Variants in USP22 observed in about 807,000 individuals in gnomAD.
The protein encoded by USP22 is ubiquitin carboxyl-terminal hydrolase 22.
A neutral mutation model predicts 68.1 loss-of-function variants in USP22; 22 were observed. The ratio of observed to expected loss-of-function variants is 0.32; its 90% CI spans 0.23 to 0.46. The LOEUF (loss-of-function observed/expected upper bound fraction) is 0.46. Ranked by LOEUF, USP22 falls within the 20% of genes least tolerant of loss-of-function variation. The pLI, the probability that USP22 is intolerant of heterozygous loss-of-function variation, is 1.00. For missense variants in USP22, 433 were observed against 695.8 expected (o/e 0.62, Z 4.25); for synonymous variants, 279 against 274.2 (o/e 1.02, Z -0.17).
chr17:21,007,349 A>G (rs538539340), intron 9 of USP22, among the ~76,000 whole-genome samples: 6 of 152,316 alleles, frequency 3.9e-5, no homozygotes, highest in South Asian at 2.1e-4. Context: ...CTTTGCCTAG[A>G]TCAGGAGTCA....
intron 5 of USP22, among the ~76,000 whole-genome samples, chr17:21,016,788 G>A (rs1353777174): frequency 2.6e-5 from 4 of 152,310 alleles, no homozygotes; most frequent in African/African-American, 4.8e-5. Context: ...GGTTGACTTC[G>A]GAGGGGCACG....
intron 7 of USP22, among the ~76,000 whole-genome samples, chr17:21,012,032 A>T (rs186006478): frequency 1.7e-4 from 26 of 152,226 alleles, no homozygotes; most frequent in African/African-American, 5.5e-4. Context: ...GCCTTTCCCG[A>T]TATTTGCTCG....
Position 21,002,871 on chromosome 17 carries a change from C to T in USP22, c.*160G>A. The T allele has an allele frequency of 1.2e-6, 1 of 849,728 alleles. No homozygotes were observed. The highest frequency in any genetic ancestry group is 1.9e-6 in the Non-Finnish European group (1 of 521,952). The allele number at this position is 849,728 out of a possible 1,614,324, so 52.6% of individuals were successfully genotyped here. The stretch of plus-strand genomic sequence containing the variant: ...CCCGTCCGTGTGGTCCATCCCGACC[C>T]GATGGGTCCCAGGTGCAGAGGGGCC... On this transcript the variant is annotated 3_prime_UTR_variant, in exon 13 of 13. Coordinates refer to ENST00000261497, the MANE Select transcript of USP22 (RefSeq NM_015276.2).
At chr17:21,006,504 GTC>G (rs1327355175) in intron 10 of USP22, 1 of 121,876 alleles carries the variant, frequency 8.2e-6, no homozygotes. Context: ...AGTATCGACA[GTC>G]ATTTTTTTTT....
At chr17:21,017,474 T>G (rs1459024554) in intron 5 of USP22, among the ~76,000 whole-genome samples, 1 of 152,224 alleles carries the variant, frequency 6.6e-6, no homozygotes, top group African/African-American at 2.4e-5. Flanking sequence ...ACGCCACACG[T>G]GCAGCCCACA....
At chr17:21,023,470 A>T (rs1408034410) in intron 2 of USP22, among the ~76,000 whole-genome samples, 2 of 151,986 alleles carry the variant, frequency 1.3e-5, no homozygotes, top group Admixed American at 1.3e-4. Context: ...CCTAGGCAAC[A>T]TGGTGAACCC....
rs367718558 is a variant in USP22 at position 21,027,496 on chromosome 17, CG to C, written c.304+1045del. Among the ~76,000 whole-genome samples the C allele has an allele frequency of 4.1e-3, 617 of 151,926 alleles. 3 individuals carry two copies. Among genetic ancestry groups the C allele is most frequent in the African/African-American group, 0.014 (563 of 41,464 alleles). On this transcript the variant is annotated intron_variant, in intron 2 of 12. Transcript: ENST00000261497. The stretch of plus-strand genomic sequence containing the variant: ...AGCATCAAATTACAGAACTTCAGGG[CG>C]GGAAAGCCTAAAAATATCTTTACCT...
intron 1 of USP22, among the ~76,000 whole-genome samples, chr17:21,031,149 AAATTG>A (rs1279654579): frequency 5.3e-5 from 8 of 152,368 alleles, no homozygotes; most frequent in African/African-American, 1.9e-4. Flanking sequence ...GACAACTATT[AAATTG>A]AACACATGTA....
At chr17:21,016,545 A>C (rs1972085748) in intron 5 of USP22, among the ~76,000 whole-genome samples, 1 of 152,246 alleles carries the variant, frequency 6.6e-6, no homozygotes, top group East Asian at 1.9e-4. Flanking sequence ...CTGAACTGGG[A>C]AACAGACAAC....
intron 1 of USP22, among the ~76,000 whole-genome samples, chr17:21,032,677 C>T (rs993739084): frequency 1.3e-5 from 2 of 152,096 alleles, no homozygotes; most frequent in African/African-American, 2.4e-5. Flanking sequence ...TGTTGGCTCA[C>T]GCCAGGAATG....
At position 21,035,908 on chromosome 17, in the gene USP22, G is replaced by A. The variant is rs552557892; in HGVS notation, c.171+6757C>T. 2.6e-5 allele frequency among the ~76,000 whole-genome samples: 4 copies of A among 151,834 alleles called. No individual in the cohort carries two copies. The South Asian group carries it at 8.3e-4, about 32-fold the overall frequency. On this transcript the variant is annotated intron_variant, in intron 1 of 12. Transcript: ENST00000261497. ...TAGCTGGGCGTGGTGGCAGGCGCCTGTAGTCCCAGTTACTCGGGAGGCTGA... is the reference window on the plus strand; with the variant it reads ...TAGCTGGGCGTGGTGGCAGGCGCCTATAGTCCCAGTTACTCGGGAGGCTGA...
chr17:21,027,001 C>T (rs1972228964), intron 2 of USP22, among the ~76,000 whole-genome samples: 1 of 151,880 alleles, frequency 6.6e-6, no homozygotes, highest in Admixed American at 6.6e-5. Context: ...GACGGGGTTT[C>T]ACCATGTTGG....
chr17:21,005,167 T>A, intron 10 of USP22, 177 bp from the exon 11 acceptor site: 1 of 730,772 alleles, frequency 1.4e-6, no homozygotes, highest in Non-Finnish European at 2.2e-6. Flanking sequence ...GCTCAAGCTG[T>A]GGAGGCCCCT....
In USP22 at chr17:21,025,401, C is replaced by G. The variant is rs1488601364; in HGVS notation, c.304+3141G>C. Among the ~76,000 whole-genome samples, 4 of 152,136 alleles carry G rather than the reference C, an allele frequency of 2.6e-5. No homozygotes were observed. In the South Asian group the frequency reaches 8.3e-4, roughly 32 times the overall value. On this transcript the variant is annotated intron_variant, in intron 2 of 12. Coordinates refer to ENST00000261497, the MANE Select transcript of USP22 (RefSeq NM_015276.2). ...ATGTGAACAAACTGGAAAGCTTGTC[C>G]ATCACTGGTGAGAATTAAAATGGTG...
At chr17:21,009,474 C>T (rs1913880342) in intron 8 of USP22, among the ~76,000 whole-genome samples, 1 of 152,114 alleles carries the variant, frequency 6.6e-6, no homozygotes. Context: ...GACCCGGGTG[C>T]ACTCTACCTC....
chr17:21,002,922 C>T lies in USP22; in HGVS notation c.*109G>A. ...ACATCTGCATGGGAGGTGGTGTCAC[C>T]AGGCCGGGGAGGCGGCGGGAGACTT... On this transcript the variant is annotated 3_prime_UTR_variant, in exon 13 of 13. Coordinates refer to ENST00000261497, the MANE Select transcript of USP22 (RefSeq NM_015276.2). 1.4e-6 allele frequency: 2 copies of T among 1,389,054 alleles called. No homozygotes were observed. The highest frequency in any genetic ancestry group is 2.0e-6 in the Non-Finnish European group (2 of 992,060). 86.0% of individuals were successfully genotyped at this position (1,389,054 alleles called of 1,614,324 possible). A position where few individuals can be genotyped will look rare whatever the true frequency, so the allele number is the denominator to read the frequency against.
At chr17:21,037,336 T>C (rs34550408) in intron 1 of USP22, among the ~76,000 whole-genome samples, 113,175 of 151,632 alleles carry the variant, frequency 0.75, 42,691 homozygotes, top group South Asian at 0.82. Flanking sequence ...GACTCCCTTC[T>C]ATTATAAACA....
rs897794324 is a variant in USP22, at chr17:21,002,492, G to T, written c.*539C>A. 1 of 153,502 alleles carries T rather than the reference G, an allele frequency of 6.5e-6. No homozygotes were observed. The highest frequency in any genetic ancestry group is 2.4e-5 in the African/African-American group (1 of 41,438). 9.5% of individuals were successfully genotyped at this position (153,502 alleles called of 1,614,324 possible). The stretch of plus-strand genomic sequence containing the variant: ...AACGCGACGTAGTGTCCGTACTTCC[G>T]AAGCTAGGAGGCTGCTTCACAGCCG... On this transcript the variant is annotated 3_prime_UTR_variant, in exon 13 of 13. Transcript: ENST00000261497.
At chr17:21,036,715 T>C (rs1196395414) in intron 1 of USP22, among the ~76,000 whole-genome samples, 1 of 152,132 alleles carries the variant, frequency 6.6e-6, no homozygotes, top group African/African-American at 2.4e-5. Flanking sequence ...GGATTAGAGT[T>C]GGAGATATAA....
Sources: allele counts gnomAD v4.1 joint callset (sites outside exome capture counted in the v4.1 genomes callset), GRCh38; gene constraint gnomAD v4.1.1; transcripts MANE v1.5; gene names NCBI Gene and HGNC (gene_info 2026-07-23, HGNC 2026-07-21).